ADARB2: variants seen among roughly 807,000 people sequenced by gnomAD.
ADARB2 encodes the protein inactive double-stranded RNA-specific editase B2.
A neutral mutation model predicts 62.2 loss-of-function variants in ADARB2; 25 were observed. The observed-to-expected ratio is 0.40, with a 90% CI of 0.29 to 0.56. The LOEUF (loss-of-function observed/expected upper bound fraction) is 0.56. ADARB2 is among the 20% of genes least tolerant of loss of function. The pLI is 0.43. For missense variants in ADARB2, 1,071 were observed against 1,077.4 expected, an observed-to-expected ratio of 0.99 and a Z score of 0.08; for synonymous variants, 572 against 500.8, an observed-to-expected ratio of 1.14 and a Z score of -1.90.
chr10:1,557,104 T>C (rs1832715860), intron 1 of ADARB2: 2 of 343,162 alleles, frequency 5.8e-6, no homozygotes, highest in South Asian at 2.2e-5. Flanking sequence ...TTTCCTTCCA[T>C]TGCCTCAGTT....
chr10:1,598,919 C>A (rs1030549770), intron 1 of ADARB2, among the ~76,000 whole-genome samples: 3 of 152,340 alleles, frequency 2.0e-5, no homozygotes, highest in Middle Eastern at 3.4e-3. Flanking sequence ...AGGTTCCCAA[C>A]CGGAAGCCCA....
chr10:1,692,002 C>T (rs183520894), intron 1 of ADARB2, among the ~76,000 whole-genome samples: 43 of 152,286 alleles, frequency 2.8e-4, no homozygotes, highest in East Asian at 1.3e-3. Context: ...GTGTCTTCAG[C>T]GCTCGCTGCT....
At chr10:1,651,900 C>T (rs533706074) in intron 1 of ADARB2, among the ~76,000 whole-genome samples, 3 of 152,220 alleles carry the variant, frequency 2.0e-5, no homozygotes, top group African/African-American at 2.4e-5. Context: ...CAGGAGAGAC[C>T]GCTATCTCCA....
chr10:1,736,424 T>C (rs1212991153), intron 1 of ADARB2, among the ~76,000 whole-genome samples: 3 of 152,178 alleles, frequency 2.0e-5, no homozygotes, highest in African/African-American at 7.2e-5. Context: ...GCTTTCCTGG[T>C]TTGCGGTTTT....
chr10:1,558,413 G>A (rs113554607), intron 1 of ADARB2, among the ~76,000 whole-genome samples: 1,811 of 48,208 alleles, frequency 0.038, 4 homozygotes, highest in Middle Eastern at 0.052. Context: ...GCCCCCCTCC[G>A]TGGGTGCTCA....
At chr10:1,642,430 G>A (rs113325098) in intron 1 of ADARB2, among the ~76,000 whole-genome samples, 2 of 152,258 alleles carry the variant, frequency 1.3e-5, no homozygotes, top group Admixed American at 6.5e-5. Context: ...ATCGTCAACA[G>A]CAGAGGCAGC....
intron 8 of ADARB2, 38 bp from the exon 9 acceptor site, chr10:1,185,077 C>G: frequency 6.3e-7 from 1 of 1,591,284 alleles, no homozygotes; most frequent in Non-Finnish European, 8.6e-7. Context: ...GTTAATATTC[C>G]TGGCCTCACA....
rs1039687022 is a variant in ADARB2, at chr10:1,391,010, G to T, written c.101-11850C>A. On this transcript the variant is annotated intron_variant, in intron 1 of 9. Transcript: ENST00000381312. ...ACACCTGCTTTTTGGCTCACCCCCTGCCCCCTTAGTTGCCCTCACCTGAAC... is the reference window on the plus strand; with the variant it reads ...ACACCTGCTTTTTGGCTCACCCCCTTCCCCCTTAGTTGCCCTCACCTGAAC... Among the ~76,000 whole-genome samples, 4 of 152,144 alleles carry T rather than the reference G, an allele frequency of 2.6e-5. 1 individual carries two copies. The highest frequency in any genetic ancestry group is 7.2e-5 in the African/African-American group (3 of 41,426).
At chr10:1,187,436 G>C (rs1836775759) in intron 8 of ADARB2, among the ~76,000 whole-genome samples, 1 of 152,188 alleles carries the variant, frequency 6.6e-6, no homozygotes, top group Non-Finnish European at 1.5e-5. Context: ...CCATCCTTCT[G>C]GTCTCCATGA....
chr10:1,718,503 C>T (rs920037778), intron 1 of ADARB2, among the ~76,000 whole-genome samples: 4 of 152,214 alleles, frequency 2.6e-5, no homozygotes, highest in Admixed American at 6.5e-5. Flanking sequence ...TGCATGCCTC[C>T]GTGTGAGTCC....
chr10:1,217,484 G>A (rs1215540043), intron 6 of ADARB2, among the ~76,000 whole-genome samples: 1 of 152,222 alleles, frequency 6.6e-6, no homozygotes, highest in African/African-American at 2.4e-5. Context: ...ATGCAGACTT[G>A]AACACGCAGT....
Position 1,183,171 on chromosome 10 carries a change from C to T in ADARB2, c.*22G>A. ...CATCCCTCCAGCGTCCCGCTCAGCTCCAGCAGCCAGGAGCCCGCAGCCTAG... is the reference window on the plus strand; with the variant it reads ...CATCCCTCCAGCGTCCCGCTCAGCTTCAGCAGCCAGGAGCCCGCAGCCTAG... On this transcript the variant is annotated 3_prime_UTR_variant, in exon 10 of 10. Transcript: ENST00000381312. 3 of 1,609,452 alleles carry T rather than the reference C, an allele frequency of 1.9e-6. No homozygotes were observed. In the South Asian group the frequency reaches 3.3e-5, roughly 18 times the overall value.
intron 1 of ADARB2, among the ~76,000 whole-genome samples, chr10:1,540,573 T>C (rs12243710): frequency 0.016 from 668 of 42,288 alleles, 28 homozygotes; most frequent in East Asian, 0.037. Context: ...CACTCAGATG[T>C]AGTTCAGACC....
In ADARB2 at chr10:1,408,062, C is replaced by G. The variant is rs148139468; in HGVS notation, c.101-28902G>C. Reference sequence around the variant, plus strand: ...TAATTATTTTGCAGAATATTTTATACTGTCTTAGCTTGAGAGGCAAGATAT... The same window carrying G: ...TAATTATTTTGCAGAATATTTTATAGTGTCTTAGCTTGAGAGGCAAGATAT... On this transcript the variant is annotated intron_variant, in intron 1 of 9. Coordinates refer to ENST00000381312, the MANE Select transcript of ADARB2 (RefSeq NM_018702.4). Among the ~76,000 whole-genome samples, 47 of 152,328 alleles carry G rather than the reference C, an allele frequency of 3.1e-4. 1 individual carries two copies. In the East Asian group the frequency reaches 7.5e-3, roughly 24 times the overall value.
At chr10:1,637,589 G>A (rs944571141) in intron 1 of ADARB2, among the ~76,000 whole-genome samples, 1 of 152,136 alleles carries the variant, frequency 6.6e-6, no homozygotes, top group Non-Finnish European at 1.5e-5. Flanking sequence ...ACAATCCATG[G>A]CAACATGTAG....
chr10:1,355,074 T>C (rs1342045223), intron 3 of ADARB2, among the ~76,000 whole-genome samples: 1 of 152,188 alleles, frequency 6.6e-6, no homozygotes. Context: ...CACCAGGACA[T>C]GATGCCCAGG....
chr10:1,361,261 C>G (rs536978186), intron 3 of ADARB2: 1 of 148,562 alleles, frequency 6.7e-6, no homozygotes, highest in African/African-American at 2.5e-5. Flanking sequence ...GTTTAAGCTA[C>G]AGAGAGTGTA....
At chr10:1,576,950 G>T (rs1192285251) in intron 1 of ADARB2, among the ~76,000 whole-genome samples, 1 of 152,192 alleles carries the variant, frequency 6.6e-6, no homozygotes, top group African/African-American at 2.4e-5. Flanking sequence ...GGCTGGGGCT[G>T]GGTGACAGCG....
At chr10:1,340,862 C>T (rs1414848476) in intron 3 of ADARB2, among the ~76,000 whole-genome samples, 7 of 147,104 alleles carry the variant, frequency 4.8e-5, no homozygotes, top group African/African-American at 1.3e-4. Context: ...TGGCAATAAC[C>T]AGCATCCACC....
Sources: gnomAD v4.1 joint callset for allele counts (sites outside exome capture counted in the v4.1 genomes callset) on GRCh38, gnomAD v4.1.1 for gene constraint, MANE v1.5 for transcripts, NCBI Gene and HGNC (gene_info 2026-07-23, HGNC 2026-07-21) for gene names.